Variants in EPB41L4A observed in about 807,000 individuals in gnomAD.
The protein encoded by EPB41L4A is erythrocyte membrane protein band 4.1 like 4A.
In EPB41L4A, 100 loss-of-function variants were observed where a neutral mutation model predicts 108.6. That is an observed-to-expected ratio of 0.92 (90% CI 0.78 to 1.09). The LOEUF (loss-of-function observed/expected upper bound fraction) is 1.09. Among genes scored for constraint, EPB41L4A ranks in the 50% least tolerant of loss-of-function variants. EPB41L4A has a pLI of 0.00. For synonymous variants in EPB41L4A, 319 were observed against 289.0 expected (o/e 1.10, Z -1.05); for missense variants, 1,030 against 842.7 (o/e 1.22, Z -2.75).
intron 12 of EPB41L4A, among the ~76,000 whole-genome samples, chr5:112,213,605 C>T (rs1201994429): frequency 6.6e-6 from 1 of 152,178 alleles, no homozygotes; most frequent in African/African-American, 2.4e-5. Flanking sequence ...CGCATCACCT[C>T]AGCCTCCCAA....
intron 18 of EPB41L4A, among the ~76,000 whole-genome samples, chr5:112,171,272 G>T (rs188760995): frequency 3.3e-5 from 5 of 152,186 alleles, no homozygotes; most frequent in African/African-American, 1.2e-4. Context: ...TCCCCATCCA[G>T]TGGTAACTGT....
At chr5:112,195,760 A>AAG in intron 15 of EPB41L4A, 52 bp from the exon 16 acceptor site, 1 of 1,515,604 alleles carries the variant, frequency 6.6e-7, no homozygotes, top group Non-Finnish European at 9.1e-7. Flanking sequence ...TCAATTGGCT[A>AAG]AGGAAAGCAC....
chr5:112,322,983 G>A (rs1755902003), intron 1 of EPB41L4A, among the ~76,000 whole-genome samples: 2 of 151,858 alleles, frequency 1.3e-5, no homozygotes, highest in South Asian at 4.2e-4. Flanking sequence ...ACAATTAGAA[G>A]ACAAGAAAGG....
In EPB41L4A at chr5:112,220,162, T is replaced by C. The variant is rs573941263; in HGVS notation, c.1088-10180A>G. On this transcript the variant is annotated intron_variant, in intron 12 of 22. Transcript: ENST00000261486. ...CGATGCTGTGAACCCATGTTCAAAA[T>C]AAGTAGAGGTATATGTAATGTATTC... 2.8e-4 allele frequency among the ~76,000 whole-genome samples: 42 copies of C among 152,318 alleles called. 1 individual carries two copies. The South Asian group carries it at 8.7e-3, about 32-fold the overall frequency.
intron 17 of EPB41L4A, among the ~76,000 whole-genome samples, chr5:112,193,705 T>C (rs1323083036): frequency 6.6e-6 from 1 of 152,222 alleles, no homozygotes; most frequent in African/African-American, 2.4e-5. Flanking sequence ...GCACTACTGA[T>C]ATGTTTTTGT....
chr5:112,393,346 A>C (rs1170856429), intron 1 of EPB41L4A, among the ~76,000 whole-genome samples: 3 of 152,324 alleles, frequency 2.0e-5, no homozygotes, highest in Non-Finnish European at 4.4e-5. Context: ...ACCGCTAGCA[A>C]GACTAATAAA....
intron 18 of EPB41L4A, among the ~76,000 whole-genome samples, chr5:112,172,823 G>A (rs1251430286): frequency 2.0e-5 from 3 of 152,172 alleles, no homozygotes; most frequent in Non-Finnish European, 4.4e-5. Context: ...CTTATTTCAG[G>A]AAGGTATGAT....
At chr5:112,214,685 G>A (rs544366481) in intron 12 of EPB41L4A, among the ~76,000 whole-genome samples, 4 of 152,214 alleles carry the variant, frequency 2.6e-5, no homozygotes, top group South Asian at 2.1e-4. Flanking sequence ...AGAATGACGT[G>A]AACTCAGGAG....
chr5:112,379,773 A>G (rs1173995450), intron 1 of EPB41L4A, among the ~76,000 whole-genome samples: 1 of 152,198 alleles, frequency 6.6e-6, no homozygotes, highest in East Asian at 1.9e-4. Flanking sequence ...TACATTCCCT[A>G]GCAGTAACAG....
intron 1 of EPB41L4A, among the ~76,000 whole-genome samples, chr5:112,402,733 A>C (rs1030507347): frequency 4.6e-5 from 7 of 152,204 alleles, no homozygotes; most frequent in African/African-American, 1.7e-4. Flanking sequence ...AACATGAATC[A>C]GTTCACAGCA....
rs116076407 is a variant in EPB41L4A, at chr5:112,303,841, G to A, written c.204+3545C>T. On this transcript the variant is annotated intron_variant, in intron 2 of 22. Coordinates refer to ENST00000261486, the MANE Select transcript of EPB41L4A (RefSeq NM_022140.5). ...TTTTCTGAAGTTTACGCGTGATGCA[G>A]AAGGAGCCAAAGACAGCAGCAGATA... Among the ~76,000 whole-genome samples the A allele has an allele frequency of 7.8e-3, 1,191 of 152,234 alleles. 17 individuals carry two copies. Among genetic ancestry groups the A allele is most frequent in the African/African-American group, 0.027 (1,128 of 41,550 alleles).
At chr5:112,312,009 C>A (rs529676553) in intron 1 of EPB41L4A, among the ~76,000 whole-genome samples, 56 of 152,244 alleles carry the variant, frequency 3.7e-4, no homozygotes, top group Admixed American at 1.2e-3. Context: ...TTACGTATGA[C>A]AATGAGAAGG....
At chr5:112,310,071 G>C (rs991076883) in intron 1 of EPB41L4A, among the ~76,000 whole-genome samples, 5 of 152,202 alleles carry the variant, frequency 3.3e-5, no homozygotes, top group Non-Finnish European at 5.9e-5. Context: ...AGGGAAGCCA[G>C]CCATGACATC....
intron 12 of EPB41L4A, among the ~76,000 whole-genome samples, chr5:112,221,204 A>C (rs1381239691): frequency 6.6e-6 from 1 of 152,136 alleles, no homozygotes; most frequent in Non-Finnish European, 1.5e-5. Context: ...CTGTCCATTA[A>C]AACCCCCTTC....
intron 1 of EPB41L4A, among the ~76,000 whole-genome samples, chr5:112,347,676 G>C (rs1757771948): frequency 6.6e-6 from 1 of 152,168 alleles, no homozygotes; most frequent in South Asian, 2.1e-4. Flanking sequence ...CTTCCCTTTA[G>C]AACATAATTG....
chr5:112,172,866 G>A (rs1760662871), intron 18 of EPB41L4A, among the ~76,000 whole-genome samples: 2 of 152,188 alleles, frequency 1.3e-5, no homozygotes, highest in Non-Finnish European at 2.9e-5. Flanking sequence ...AGTTACAGCA[G>A]GGTTTCCCAC....
chr5:112,196,046 C>T (rs961894298), intron 15 of EPB41L4A, among the ~76,000 whole-genome samples: 2 of 152,150 alleles, frequency 1.3e-5, no homozygotes, highest in Non-Finnish European at 2.9e-5. Context: ...TGCCCTTTCC[C>T]ATACCCTGAG....
chr5:112,260,074 T>C, intron 7 of EPB41L4A, 95 bp from the exon 8 acceptor site: 1 of 906,190 alleles, frequency 1.1e-6, no homozygotes, highest in Non-Finnish European at 1.7e-6. Flanking sequence ...GTTACATTAA[T>C]ATTGGATTTA....
At chr5:112,150,126 TG>T (rs1561428769) in intron 12 of EPB41L4A, among the ~76,000 whole-genome samples, 1 of 152,228 alleles carries the variant, frequency 6.6e-6, no homozygotes, top group East Asian at 1.9e-4. Context: ...TCATGTAGGA[TG>T]GGGTAAGAAT....
Sources: gnomAD v4.1 joint callset for allele counts (sites outside exome capture counted in the v4.1 genomes callset) on GRCh38, gnomAD v4.1.1 for gene constraint, MANE v1.5 for transcripts, NCBI Gene and HGNC (gene_info 2026-07-23, HGNC 2026-07-21) for gene names.